SMIM27: variants seen among roughly 807,000 people sequenced by gnomAD.
SMIM27 encodes the protein TOPORS antisense RNA 1 (non-protein coding).
In SMIM27, 3 loss-of-function variants were observed where a neutral mutation model predicts 1.8. The observed-to-expected ratio is 1.65, with a 90% CI of 0.75 to 4.28. SMIM27 has a LOEUF of 4.28. Among genes scored for constraint, SMIM27 ranks in the 30% most tolerant of loss-of-function variants. The pLI is 0.02. For synonymous variants in SMIM27, 19 were observed against 13.9 expected (o/e 1.37, Z -0.82); for missense variants, 63 against 37.0 (o/e 1.70, Z -1.83).
chr9:32,556,813 G>A (rs962660102), downstream of SMIM27, among the ~76,000 whole-genome samples: 21 of 133,202 alleles, frequency 1.6e-4, no homozygotes, highest in Admixed American at 1.5e-4. Context: ...ACACATCAAT[G>A]TTACACAATA....
chr9:32,552,129 A>G (rs1173142987), upstream of SMIM27: 1 of 575,500 alleles, frequency 1.7e-6, no homozygotes, highest in African/African-American at 1.9e-5. Flanking sequence ...ATTGCATTGC[A>G]ACTAGAAAGA....
At chr9:32,551,627 C>T (rs1821263438), upstream of SMIM27, 1 of 266,784 alleles carries the variant, frequency 3.7e-6, no homozygotes, top group Non-Finnish European at 8.1e-6. Context: ...GCCTAAGCGG[C>T]CCGTTGCCAG....
At chr9:32,563,391 G>A (rs953009768) in intron 1 of SMIM27, among the ~76,000 whole-genome samples, 1 of 151,390 alleles carries the variant, frequency 6.6e-6, no homozygotes, top group African/African-American at 2.4e-5. Context: ...AGGATGGCTG[G>A]AGTACAGTGG....
At chr9:32,563,258 CTCTT>C (rs754003074) in intron 1 of SMIM27, among the ~76,000 whole-genome samples, 5 of 152,280 alleles carry the variant, frequency 3.3e-5, no homozygotes, top group African/African-American at 4.8e-5. Context: ...TACAAAGATA[CTCTT>C]TCTCTCTTTG....
At chr9:32,551,739 C>A, upstream of SMIM27, 1 of 430,038 alleles carries the variant, frequency 2.3e-6, no homozygotes, top group Non-Finnish European at 4.8e-6. Context: ...TAGTATCTCA[C>A]GCGCGGCAGT....
intron 1 of SMIM27, among the ~76,000 whole-genome samples, chr9:32,560,861 G>A (rs1321799014): frequency 1.3e-5 from 2 of 151,914 alleles, no homozygotes; most frequent in African/African-American, 4.8e-5. Context: ...TAAAGAATTA[G>A]GAAAAAAATA....
Position 32,552,920 on chromosome 9 carries a change from G to T in SMIM27, c.165G>T (p.Leu55Phe). The change falls in exon 2 of 2, where the codon TTG becomes TTT. Residue 55 changes from leucine (L) to phenylalanine (F), a missense_variant. By Grantham distance (22) the Leu-to-Phe change is conservative. Transcript: ENST00000692500. ...PDKIFGTNEN[L>F] ...AAATCTTTGGGACGAATGAAAATTT[G>T]TAACTCTTCTGGATTTAATTATCTG... The T allele has an allele frequency of 1.4e-6, 1 of 701,780 alleles. No individual in the cohort carries two copies. Among genetic ancestry groups the T allele is most frequent in the Non-Finnish European group, 2.6e-6 (1 of 384,550 alleles). 43.5% of individuals were successfully genotyped at this position (701,780 alleles called of 1,614,324 possible). A position where few individuals can be genotyped will look rare whatever the true frequency, so the allele number is the denominator to read the frequency against.
chr9:32,551,854 A>G (rs1451438963), upstream of SMIM27: 1 of 433,652 alleles, frequency 2.3e-6, no homozygotes, highest in Non-Finnish European at 4.7e-6. Context: ...ATTACGCTAT[A>G]CGTTTCTGAA....
intron 1 of SMIM27, among the ~76,000 whole-genome samples, chr9:32,558,751 T>TG (rs1444533441): frequency 6.6e-6 from 1 of 152,082 alleles, no homozygotes; most frequent in African/African-American, 2.4e-5. Context: ...TTCCTGTTTT[T>TG]TTTTGTTTTG....
chr9:32,565,892 A>G (rs1374607287), intron 1 of SMIM27, among the ~76,000 whole-genome samples: 3 of 152,138 alleles, frequency 2.0e-5, no homozygotes, highest in Non-Finnish European at 2.9e-5. Flanking sequence ...GAATCACTTG[A>G]ACCCGGGAGG....
chr9:32,557,179 TC>T (rs1015749263), downstream of SMIM27, among the ~76,000 whole-genome samples: 1 of 104,238 alleles, frequency 9.6e-6, no homozygotes, highest in African/African-American at 3.8e-5. Context: ...TTTTTTTTTT[TC>T]CCGAGACAGA....
chr9:32,557,464 C>T (rs936022217), downstream of SMIM27, among the ~76,000 whole-genome samples: 1 of 151,048 alleles, frequency 6.6e-6, no homozygotes, highest in African/African-American at 2.4e-5. Flanking sequence ...CCCCCGATAC[C>T]CCCTACTTTT....
chr9:32,561,437 T>C (rs941301380), intron 1 of SMIM27, among the ~76,000 whole-genome samples: 2 of 152,050 alleles, frequency 1.3e-5, no homozygotes, highest in African/African-American at 4.8e-5. Context: ...CAGCAATTCT[T>C]CTGCCTCAGC....
At chr9:32,556,655 G>A (rs1821463878), downstream of SMIM27, among the ~76,000 whole-genome samples, 1 of 152,142 alleles carries the variant, frequency 6.6e-6, no homozygotes, top group Non-Finnish European at 1.5e-5. Context: ...ATGGTCTTCT[G>A]AATAGAGCTC....
At chr9:32,551,244 AC>A, upstream of SMIM27, 1 of 578,444 alleles carries the variant, frequency 1.7e-6, no homozygotes, top group East Asian at 2.9e-5. Flanking sequence ...CCCCTAACTT[AC>A]CCGGAAAACA....
At chr9:32,558,242 G>C (rs1043932225) in intron 1 of SMIM27, among the ~76,000 whole-genome samples, 4 of 151,716 alleles carry the variant, frequency 2.6e-5, no homozygotes, top group African/African-American at 7.3e-5. Flanking sequence ...CTCTCGAGTA[G>C]CTGGGACTAC....
At chr9:32,555,791 A>C (rs1198151911), downstream of SMIM27, among the ~76,000 whole-genome samples, 1 of 152,254 alleles carries the variant, frequency 6.6e-6, no homozygotes, top group East Asian at 1.9e-4. Flanking sequence ...TGAAAAGAAC[A>C]AACCCCCTGG....
chr9:32,563,942 A>G (rs970980013), intron 1 of SMIM27, among the ~76,000 whole-genome samples: 1 of 152,162 alleles, frequency 6.6e-6, no homozygotes, highest in African/African-American at 2.4e-5. Context: ...TGGCACAATA[A>G]TATGTTCCAA....
At chr9:32,560,862 G>A (rs1563993673) in intron 1 of SMIM27, among the ~76,000 whole-genome samples, 1 of 151,918 alleles carries the variant, frequency 6.6e-6, no homozygotes, top group African/African-American at 2.4e-5. Flanking sequence ...AAAGAATTAG[G>A]AAAAAAATAT....
Sources: gnomAD v4.1 joint callset for allele counts (sites outside exome capture counted in the v4.1 genomes callset) on GRCh38, gnomAD v4.1.1 for gene constraint, MANE v1.5 for transcripts, NCBI Gene and HGNC (gene_info 2026-07-23, HGNC 2026-07-21) for gene names.